LDAH: variants seen among roughly 807,000 people sequenced by gnomAD.
The protein encoded by LDAH is lipid droplet-associated hydrolase.
LDAH carries 26 observed loss-of-function variants against 29.6 expected under a neutral mutation model. The ratio of observed to expected loss-of-function variants is 0.88; its 90% confidence interval spans 0.64 to 1.22. The LOEUF (loss-of-function observed/expected upper bound fraction) is 1.22, where lower values mean the gene tolerates loss of function less well. LDAH is among the 50% of genes most tolerant of loss of function. The probability of loss-of-function intolerance (pLI) is 0.00; values close to 1 mark genes in which losing one functional copy is unlikely to be tolerated. For missense variants in LDAH, 344 were observed against 387.3 expected (o/e 0.89, Z 0.94); for synonymous variants, 117 against 133.0 (o/e 0.88, Z 0.83).
At chr2:20,751,583 T>C (rs1025723072) in intron 4 of LDAH, among the ~76,000 whole-genome samples, 1 of 152,234 alleles carries the variant, frequency 6.6e-6, no homozygotes, top group African/African-American at 2.4e-5. Flanking sequence ...GTAAATGCCC[T>C]GCAAATGCAT....
chr2:20,684,655 C>T lies in LDAH; in HGVS notation c.*2248G>A. The T allele has an allele frequency of 2.4e-6, 1 of 421,854 alleles. No homozygotes were observed. Among genetic ancestry groups the T allele is most frequent in the Non-Finnish European group, 4.2e-6 (1 of 239,742 alleles). The allele number at this position is 421,854 out of a possible 1,614,324, so 26.1% of individuals were successfully genotyped here. A position where few individuals can be genotyped will look rare whatever the true frequency, so the allele number is the denominator to read the frequency against. On this transcript the variant is annotated 3_prime_UTR_variant, in exon 7 of 7. Coordinates refer to ENST00000237822, the MANE Select transcript of LDAH (RefSeq NM_021925.4). ...AGAGGCCCTTGGTGGCCATGGACATCAGGCCACACAAGCCACAGAGGGCTT... is the reference window on the plus strand; with the variant it reads ...AGAGGCCCTTGGTGGCCATGGACATTAGGCCACACAAGCCACAGAGGGCTT...
chr2:20,779,896 A>G (rs1670071618), intron 3 of LDAH, among the ~76,000 whole-genome samples: 1 of 152,214 alleles, frequency 6.6e-6, no homozygotes, highest in Non-Finnish European at 1.5e-5. Flanking sequence ...CATGGAATAC[A>G]GAAGCCCCCA....
chr2:20,743,256 C>A (rs1263760818), intron 4 of LDAH, among the ~76,000 whole-genome samples: 1 of 148,970 alleles, frequency 6.7e-6, no homozygotes, highest in Admixed American at 6.7e-5. Flanking sequence ...AAAAAAAATT[C>A]TTCTAGTGGT....
intron 6 of LDAH, among the ~76,000 whole-genome samples, chr2:20,693,718 C>G (rs1371962426): frequency 6.6e-6 from 1 of 152,278 alleles, no homozygotes; most frequent in Non-Finnish European, 1.5e-5. Context: ...CACCGACATT[C>G]TGGGAGTTAC....
At chr2:20,745,293 T>C (rs2124862665) in intron 4 of LDAH, among the ~76,000 whole-genome samples, 1 of 152,346 alleles carries the variant, frequency 6.6e-6, no homozygotes, top group South Asian at 2.1e-4. Flanking sequence ...CAAAGATTTC[T>C]ATTTCTCCAT....
chr2:20,707,955 G>T (rs189638339), intron 5 of LDAH, among the ~76,000 whole-genome samples: 22 of 152,246 alleles, frequency 1.4e-4, no homozygotes, highest in East Asian at 1.2e-3. Context: ...AACTGAGCAT[G>T]CAAGGGATCT....
chr2:20,686,676 C>T lies in LDAH; in HGVS notation c.*227G>A. Reference sequence around the variant, plus strand: ...CAAACACAAGACTCTGTGTAGATCACTGTGTTCCCTGAGTCTTGGAAAATG... The same window carrying T: ...CAAACACAAGACTCTGTGTAGATCATTGTGTTCCCTGAGTCTTGGAAAATG... On this transcript the variant is annotated 3_prime_UTR_variant, in exon 7 of 7. Transcript: ENST00000237822. The T allele has an allele frequency of 4.9e-6, 2 of 408,710 alleles. No homozygotes were observed. Among genetic ancestry groups the T allele is most frequent in the Non-Finnish European group, 8.8e-6 (2 of 227,250 alleles). 25.3% of individuals were successfully genotyped at this position (408,710 alleles called of 1,614,324 possible). A position where few individuals can be genotyped will look rare whatever the true frequency, so the allele number is the denominator to read the frequency against.
chr2:20,709,683 A>G (rs1664565369), intron 5 of LDAH, among the ~76,000 whole-genome samples: 1 of 152,210 alleles, frequency 6.6e-6, no homozygotes, highest in Non-Finnish European at 1.5e-5. Context: ...TAAGTCCACA[A>G]AAAACTTGTA....
chr2:20,732,083 G>GT (rs1666450670), intron 5 of LDAH, among the ~76,000 whole-genome samples: 1 of 151,974 alleles, frequency 6.6e-6, no homozygotes, highest in Non-Finnish European at 1.5e-5. Flanking sequence ...CTTGTTTCTA[G>GT]TCTTAGAAGA....
intron 5 of LDAH, among the ~76,000 whole-genome samples, chr2:20,706,633 T>C (rs909371808): frequency 2.6e-5 from 4 of 151,838 alleles, no homozygotes; most frequent in Middle Eastern, 3.4e-3. Context: ...TGATTTTCCA[T>C]AGTTCTACTT....
In LDAH at chr2:20,747,743, G is replaced by C. The variant is rs548920231; in HGVS notation, c.469-7538C>G. On this transcript the variant is annotated intron_variant, in intron 4 of 6. Coordinates refer to ENST00000237822, the MANE Select transcript of LDAH (RefSeq NM_021925.4). The stretch of plus-strand genomic sequence containing the variant: ...GAAAGATAAGAATATGCCTCGCAGG[G>C]AAGTACTTGGATTAACAGTAGTAGT... Among the ~76,000 whole-genome samples the C allele has an allele frequency of 3.3e-5, 5 of 152,246 alleles. No individual in the cohort carries two copies. The South Asian group carries it at 1.0e-3, about 32-fold the overall frequency.
intron 6 of LDAH, among the ~76,000 whole-genome samples, chr2:20,695,051 T>C (rs1479739286): frequency 1.3e-5 from 2 of 152,246 alleles, no homozygotes; most frequent in Non-Finnish European, 2.9e-5. Flanking sequence ...AGGGGGCAAA[T>C]GTACTGGAAT....
intron 5 of LDAH, among the ~76,000 whole-genome samples, chr2:20,703,555 T>G (rs1233959286): frequency 6.6e-6 from 1 of 152,258 alleles, no homozygotes; most frequent in Non-Finnish European, 1.5e-5. Context: ...TGTTCACTGC[T>G]GAGCCAAGTG....
Position 20,685,124 on chromosome 2 carries a change from G to A in LDAH, c.*1779C>T, listed in dbSNP as rs1453226385. 1.6e-6 allele frequency: 1 copy of A among 638,492 alleles called. No individual in the cohort carries two copies. Among genetic ancestry groups the A allele is most frequent in the Admixed American group, 3.8e-5 (1 of 26,474 alleles). 39.6% of individuals were successfully genotyped at this position (638,492 alleles called of 1,614,324 possible). ...GATGATAAATAGGAATTAAGAATGAGTATCTTTCTTAGGCTCTAAAAACCA... is the reference window on the plus strand; with the variant it reads ...GATGATAAATAGGAATTAAGAATGAATATCTTTCTTAGGCTCTAAAAACCA... On this transcript the variant is annotated 3_prime_UTR_variant, in exon 7 of 7. Coordinates refer to ENST00000237822, the MANE Select transcript of LDAH (RefSeq NM_021925.4).
chr2:20,796,141 G>A (rs1405729602), intron 2 of LDAH, among the ~76,000 whole-genome samples: 1 of 152,098 alleles, frequency 6.6e-6, no homozygotes, highest in African/African-American at 2.4e-5. Flanking sequence ...TGTCTTCACT[G>A]AATACTCCCT....
At chr2:20,707,715 A>T (rs1368982355) in intron 5 of LDAH, among the ~76,000 whole-genome samples, 2 of 152,224 alleles carry the variant, frequency 1.3e-5, no homozygotes, top group Non-Finnish European at 2.9e-5. Flanking sequence ...CCCTGAATTG[A>T]GAATAGTCAC....
chr2:20,790,534 T>C, intron 2 of LDAH, 136 bp from the exon 3 acceptor site: 1 of 689,870 alleles, frequency 1.4e-6, no homozygotes, highest in Admixed American at 2.9e-5. Context: ...AGAGATTATC[T>C]TCAAACTTCC....
chr2:20,821,054 A>T (rs1479054802), intron 1 of LDAH, among the ~76,000 whole-genome samples: 1 of 152,162 alleles, frequency 6.6e-6, no homozygotes, highest in Admixed American at 6.5e-5. Flanking sequence ...TGCAAATCAA[A>T]ACTACAATGA....
At chr2:20,711,333 C>T (rs940334791) in intron 5 of LDAH, among the ~76,000 whole-genome samples, 4 of 149,950 alleles carry the variant, frequency 2.7e-5, no homozygotes, top group African/African-American at 7.4e-5. Flanking sequence ...TGAAGTGGGC[C>T]GAGATTGCGC....
Sources: gnomAD v4.1 joint callset for allele counts (sites outside exome capture counted in the v4.1 genomes callset) on GRCh38, gnomAD v4.1.1 for gene constraint, MANE v1.5 for transcripts, NCBI Gene and HGNC (gene_info 2026-07-23, HGNC 2026-07-21) for gene names.